Variants in RHBDD1 observed in about 807,000 individuals in gnomAD.
RHBDD1 encodes the protein rhomboid-related protein 4.
RHBDD1 carries 38 observed loss-of-function variants against 36.3 expected under a neutral mutation model. That is an observed-to-expected ratio of 1.05 (90% confidence interval 0.81 to 1.37). The LOEUF (loss-of-function observed/expected upper bound fraction) is 1.37. Ranked by LOEUF, RHBDD1 falls within the 40% of genes most tolerant of loss-of-function variation. The probability of loss-of-function intolerance (pLI) is 0.00; values close to 1 mark genes in which losing one functional copy is unlikely to be tolerated. For missense variants in RHBDD1, 393 were observed against 377.6 expected (o/e 1.04, Z -0.34); for synonymous variants, 151 against 136.5 (o/e 1.11, Z -0.74).
At chr2:226,993,091 C>T (rs1243437468) in intron 8 of RHBDD1, among the ~76,000 whole-genome samples, 9 of 152,208 alleles carry the variant, frequency 5.9e-5, no homozygotes, top group South Asian at 2.1e-4. Flanking sequence ...GGTCCAAGGC[C>T]GTGTGTGCTG....
Position 226,865,017 on chromosome 2 carries a change from C to T in RHBDD1, c.324C>T (p.Ile108=), listed in dbSNP as rs1045728086. The change falls in exon 4 of 9, where the codon ATC becomes ATT. Residue 108 remains isoleucine (I), a synonymous_variant. Transcript: ENST00000392062. Reference sequence around the variant, plus strand: ...GAAGTAGATGGTTTGCCTATGTTATCACCGCATTTTCTGTACTTACTGGAG... The same window carrying T: ...GAAGTAGATGGTTTGCCTATGTTATTACCGCATTTTCTGTACTTACTGGAG... ...RLGSRWFAYV[I]TAFSVLTGVV... 3 of 1,614,194 alleles carry T rather than the reference C, an allele frequency of 1.9e-6. No homozygotes were observed. The African/African-American group carries it at 4.0e-5, about 22-fold the overall frequency.
intron 5 of RHBDD1, among the ~76,000 whole-genome samples, chr2:226,887,576 A>G (rs1381120421): frequency 6.6e-6 from 1 of 152,244 alleles, no homozygotes; most frequent in Non-Finnish European, 1.5e-5. Context: ...GTGAAGTGTG[A>G]TGCACCAGTA....
At chr2:226,936,224 G>C (rs906788916) in intron 8 of RHBDD1, among the ~76,000 whole-genome samples, 1 of 152,054 alleles carries the variant, frequency 6.6e-6, no homozygotes. Flanking sequence ...TTTGATATTT[G>C]AGAATGTATC....
chr2:226,877,907 C>T (rs1945382864), intron 5 of RHBDD1, among the ~76,000 whole-genome samples: 1 of 152,130 alleles, frequency 6.6e-6, no homozygotes, highest in African/African-American at 2.4e-5. Context: ...TCACTTGACT[C>T]ATGCTAAGGC....
chr2:226,881,825 G>T (rs1212399454), intron 5 of RHBDD1, among the ~76,000 whole-genome samples: 2 of 152,112 alleles, frequency 1.3e-5, no homozygotes, highest in East Asian at 3.9e-4. Flanking sequence ...CTTTATTTGT[G>T]AAATGGGACA....
rs549238479 is a variant in RHBDD1, at chr2:226,998,160, T to C, written c.*2638T>C. The C allele has an allele frequency of 3.3e-5, 5 of 152,376 alleles. No individual in the cohort carries two copies. The South Asian group carries it at 1.0e-3, about 32-fold the overall frequency. 9.4% of individuals were successfully genotyped at this position (152,376 alleles called of 1,614,324 possible). A position where few individuals can be genotyped will look rare whatever the true frequency, so the allele number is the denominator to read the frequency against. On this transcript the variant is annotated 3_prime_UTR_variant, in exon 9 of 9. Transcript: ENST00000392062. Reference sequence around the variant, plus strand: ...TTAATGCAGAATCTTTACTTGGTTCTGAAGAGGAGGCAGTAGTTAAAATTG... The same window carrying C: ...TTAATGCAGAATCTTTACTTGGTTCCGAAGAGGAGGCAGTAGTTAAAATTG...
chr2:226,841,745 C>G (rs377136766), intron 3 of RHBDD1, among the ~76,000 whole-genome samples: 88 of 152,194 alleles, frequency 5.8e-4, no homozygotes, highest in African/African-American at 2.0e-3. Flanking sequence ...TGAATAGTGC[C>G]ACATTTAACA....
At chr2:226,938,232 GTCT>G (rs778645888) in intron 8 of RHBDD1, among the ~76,000 whole-genome samples, 2 of 152,042 alleles carry the variant, frequency 1.3e-5, no homozygotes, top group East Asian at 1.9e-4. Context: ...CCACATGTAT[GTCT>G]TCTTTCGAAA....
At chr2:226,869,994 C>T (rs770917693) in intron 5 of RHBDD1, among the ~76,000 whole-genome samples, 6 of 152,166 alleles carry the variant, frequency 3.9e-5, no homozygotes, top group East Asian at 1.9e-4. Flanking sequence ...TACCTTCTAG[C>T]GAGATTATGA....
chr2:226,974,823 C>T (rs11890643), intron 8 of RHBDD1, among the ~76,000 whole-genome samples: 18,908 of 152,122 alleles, frequency 0.12, 1,286 homozygotes, highest in African/African-American at 0.17. Context: ...ACGGTGTCAT[C>T]GTATAATTGG....
At chr2:226,872,175 A>G (rs1289008076) in intron 5 of RHBDD1, among the ~76,000 whole-genome samples, 1 of 152,202 alleles carries the variant, frequency 6.6e-6, no homozygotes, top group Admixed American at 6.5e-5. Flanking sequence ...CTTCAAGCTT[A>G]TTTGGTTTTA....
chr2:226,817,340 C>T, the RHBDD1 span, among the ~76,000 whole-genome samples: 1 of 152,166 alleles, frequency 6.6e-6, no homozygotes, highest in Non-Finnish European at 1.5e-5. Context: ...TCAGTTCAGT[C>T]ACAGACAGTT....
intron 8 of RHBDD1, among the ~76,000 whole-genome samples, chr2:226,933,847 T>G (rs1950179011): frequency 6.6e-6 from 1 of 152,206 alleles, no homozygotes; most frequent in Non-Finnish European, 1.5e-5. Flanking sequence ...GAATTATCAT[T>G]TCTTGCATAC....
At position 226,985,113 on chromosome 2, in the gene RHBDD1, C is replaced by T. The variant is rs533130616; in HGVS notation, c.857-10318C>T. Among the ~76,000 whole-genome samples, 10 of 152,240 alleles carry T rather than the reference C, an allele frequency of 6.6e-5. No individual in the cohort carries two copies. In the East Asian group the frequency reaches 1.9e-3, roughly 29 times the overall value. ...ACCATAGATTATGTCTGTTTATCTCCTCTGATTTGGAGTTAGCATATTTAG... is the reference window on the plus strand; with the variant it reads ...ACCATAGATTATGTCTGTTTATCTCTTCTGATTTGGAGTTAGCATATTTAG... On this transcript the variant is annotated intron_variant, in intron 8 of 8. Transcript: ENST00000392062.
chr2:226,831,389 G>A (rs571622954), upstream of RHBDD1, among the ~76,000 whole-genome samples: 2 of 152,340 alleles, frequency 1.3e-5, no homozygotes, highest in Admixed American at 1.3e-4. Flanking sequence ...TTTCAAAAGA[G>A]GGTCATTGCA....
At chr2:226,890,252 C>T (rs554457708) in intron 5 of RHBDD1, among the ~76,000 whole-genome samples, 1 of 152,332 alleles carries the variant, frequency 6.6e-6, no homozygotes, top group East Asian at 1.9e-4. Context: ...GTTTTTAAAA[C>T]AGTGAGATGT....
chr2:226,832,013 A>G (rs934807808), upstream of RHBDD1, among the ~76,000 whole-genome samples: 1 of 137,606 alleles, frequency 7.3e-6, no homozygotes, highest in African/African-American at 2.6e-5. Context: ...TATTTTTGTT[A>G]CTTATTTTAT....
At position 226,944,380 on chromosome 2, in the gene RHBDD1, G is replaced by T. The variant is rs913034338; in HGVS notation, c.856+30029G>T. ...CGGTTGTACAATTGCTGTGCGTTCT[G>T]TGTCTCTTAGACCTTGCCACCAGGC... On this transcript the variant is annotated intron_variant, in intron 8 of 8. Transcript: ENST00000392062. Among the ~76,000 whole-genome samples, 8 of 152,138 alleles carry T rather than the reference G, an allele frequency of 5.3e-5. 1 individual carries two copies. The highest frequency in any genetic ancestry group is 1.5e-5 in the Non-Finnish European group (1 of 68,030).
the RHBDD1 span, among the ~76,000 whole-genome samples, chr2:226,810,282 G>C: frequency 6.6e-6 from 1 of 151,984 alleles, no homozygotes; most frequent in Non-Finnish European, 1.5e-5. Flanking sequence ...GCTCATGCCT[G>C]TAATCCTAGC....
Sources: allele counts gnomAD v4.1 joint callset (sites outside exome capture counted in the v4.1 genomes callset), GRCh38; gene constraint gnomAD v4.1.1; transcripts MANE v1.5; gene names NCBI Gene and HGNC (gene_info 2026-07-23, HGNC 2026-07-21).